Variants in CEP350 observed in about 807,000 individuals in gnomAD.
CEP350 encodes centrosomal protein 350, also known as centrosome-associated protein 350.
Under a neutral mutation model 331.8 loss-of-function variants are expected in CEP350, and 126 were observed. That is an observed-to-expected ratio of 0.38 (90% CI 0.33 to 0.44). The LOEUF (loss-of-function observed/expected upper bound fraction) is 0.44, where lower values mean the gene tolerates loss of function less well. CEP350 is among the 20% of genes least tolerant of loss of function. CEP350 has a pLI of 1.00. For synonymous variants in CEP350, 1,200 were observed against 1,259.5 expected, an observed-to-expected ratio of 0.95 and a Z score of 1.00; for missense variants, 3,406 against 3,634.6, an observed-to-expected ratio of 0.94 and a Z score of 1.62.
intron 32 of CEP350, among the ~76,000 whole-genome samples, 157 bp from the exon 33 acceptor site, chr1:180,090,557 A>AAAG (rs1553265975): frequency 1.7e-4 from 16 of 92,310 alleles, no homozygotes; most frequent in African/African-American, 4.6e-4. Flanking sequence ...AAAAAAAAAA[A>AAAG]AAAAAAAAAA....
At position 180,111,128 on chromosome 1, in the gene CEP350, C is replaced by T. The variant is rs1661450941; in HGVS notation, c.9321C>T (p.Ile3107=). ...ATACTATTGATGTTCTGAATCAGAT[C>T]AGTGAAAAGCAGGGGAGAATGCTAC... ...IKDTIDVLNQ[I]SEKQGRMLLV is the part of the protein sequence containing the mutation. Residue 3107 remains isoleucine (I), a synonymous_variant, in exon 38 of 38, where the codon ATC becomes ATT. Coordinates refer to ENST00000367607, the MANE Select transcript of CEP350 (RefSeq NM_014810.5). The T allele has an allele frequency of 6.2e-7, 1 of 1,613,944 alleles. No individual in the cohort carries two copies. The highest frequency in any genetic ancestry group is 8.5e-7 in the Non-Finnish European group (1 of 1,179,876).
At chr1:180,098,815 C>T (rs748651553) in intron 36 of CEP350, 48 bp from the exon 37 acceptor site, 2 of 1,562,214 alleles carry the variant, frequency 1.3e-6, no homozygotes, top group Non-Finnish European at 1.7e-6. Flanking sequence ...ACATGAAACT[C>T]AGGAATTTCT....
At position 180,095,865 on chromosome 1, in the gene CEP350, A is replaced by G. The variant is rs140137953; in HGVS notation, c.8854A>G (p.Lys2952Glu). The change falls in exon 35 of 38, where the codon AAA becomes GAA. Residue 2952 changes from lysine (K) to glutamate (E), a missense_variant. Transcript: ENST00000367607. ...TCTTCATAGCATCAGTATTCCTACAAAACTGCTTGGCTGTGCCAGTAAAGG... is the reference window on the plus strand; with the variant it reads ...TCTTCATAGCATCAGTATTCCTACAGAACTGCTTGGCTGTGCCAGTAAAGG... Reference protein sequence around the residue: ...HDLHSISIPTKLLGCASKGLD... With the variant: ...HDLHSISIPTELLGCASKGLD... 1.2e-6 allele frequency: 2 copies of G among 1,613,444 alleles called. No individual in the cohort carries two copies. Among genetic ancestry groups the G allele is most frequent in the Non-Finnish European group, 1.7e-6 (2 of 1,179,736 alleles).
At chr1:180,056,722 A>G (rs543151529) in intron 25 of CEP350, among the ~76,000 whole-genome samples, 17 of 152,018 alleles carry the variant, frequency 1.1e-4, no homozygotes, top group Admixed American at 2.0e-4. Flanking sequence ...TTGGCCTCCC[A>G]GAGTACTAGG....
chr1:180,024,861 G>T (rs1428686232), intron 14 of CEP350, among the ~76,000 whole-genome samples: 1 of 151,600 alleles, frequency 6.6e-6, no homozygotes, highest in Non-Finnish European at 1.5e-5. Flanking sequence ...TCTGTTCAGA[G>T]ATTAACTACT....
At chr1:180,099,091 G>T in intron 37 of CEP350, 106 bp downstream of exon 37, 1 of 1,161,400 alleles carries the variant, frequency 8.6e-7, no homozygotes, top group South Asian at 2.3e-5. Flanking sequence ...TAAATCTATG[G>T]TATTAAAATC....
intron 2 of CEP350, among the ~76,000 whole-genome samples, chr1:179,986,528 G>A (rs1416306907): frequency 6.6e-6 from 1 of 152,040 alleles, no homozygotes; most frequent in Non-Finnish European, 1.5e-5. Context: ...AAATGATATA[G>A]CCCCAATATA....
At chr1:180,028,441 TC>T (rs1655812036) in intron 14 of CEP350, among the ~76,000 whole-genome samples, 3 of 152,214 alleles carry the variant, frequency 2.0e-5, no homozygotes, top group Admixed American at 2.0e-4. Flanking sequence ...GATTCTGACT[TC>T]TGACTCCCAA....
chr1:180,071,146 CA>C (rs57487170), intron 27 of CEP350, among the ~76,000 whole-genome samples: 6,557 of 63,208 alleles, frequency 0.1, 248 homozygotes, highest in African/African-American at 0.22. Flanking sequence ...GACTCCATCT[CA>C]AAAAAAAAAA....
At chr1:180,074,973 C>T in intron 27 of CEP350, 49 bp from the exon 28 acceptor site, 1 of 1,504,162 alleles carries the variant, frequency 6.6e-7, no homozygotes, top group Non-Finnish European at 8.9e-7. Context: ...AAAGTGATCT[C>T]TGCATATAGG....
In CEP350 at chr1:180,090,414, C is replaced by T. The variant is rs570005209; in HGVS notation, c.6426-300C>T. On this transcript the variant is annotated intron_variant, in intron 32 of 37. Coordinates refer to ENST00000367607, the MANE Select transcript of CEP350 (RefSeq NM_014810.5). ...ACAAAAAATTAGCCGGGCGTGGTGG[C>T]GGGCGCCTGTAGTCCCAGCTACTCG... 4.0e-3 allele frequency among the ~76,000 whole-genome samples: 606 copies of T among 150,904 alleles called. 2 individuals are homozygous for T. Among genetic ancestry groups the T allele is most frequent in the Non-Finnish European group, 6.7e-3 (454 of 67,602 alleles).
Position 179,954,822 on chromosome 1 carries a change from G to A in CEP350, c.-334G>A. ...CCTCCTCCGTGTCAGTTGTTGGGCTGTAATGGCGACTGGGCCGCCCCTGAC... is the reference window on the plus strand; with the variant it reads ...CCTCCTCCGTGTCAGTTGTTGGGCTATAATGGCGACTGGGCCGCCCCTGAC... On this transcript the variant is annotated 5_prime_UTR_variant, in exon 1 of 38. Coordinates refer to ENST00000367607, the MANE Select transcript of CEP350 (RefSeq NM_014810.5). 1 of 425,780 alleles carries A rather than the reference G, an allele frequency of 2.3e-6. No homozygotes were observed. The highest frequency in any genetic ancestry group is 4.1e-6 in the Non-Finnish European group (1 of 241,388). 26.4% of individuals were successfully genotyped at this position (425,780 alleles called of 1,614,324 possible).
chr1:180,037,002 G>A lies in CEP350; in HGVS notation c.4023G>A (p.Glu1341=), dbSNP rs771830462. 1 of 1,600,972 alleles carries A rather than the reference G, an allele frequency of 6.2e-7. No individual in the cohort carries two copies. Among genetic ancestry groups the A allele is most frequent in the East Asian group, 2.2e-5 (1 of 44,638 alleles). The change falls in exon 17 of 38, where the codon GAG becomes GAA. Residue 1341 remains glutamate (E), a synonymous_variant. Transcript: ENST00000367607. The stretch of plus-strand genomic sequence containing the variant: ...TCAGTTATCTGAACGCCATTGAGGA[G>A]TCGGTGCGCCAACTGTCAGATGTAG... ...AELSYLNAIE[E]SVRQLSDVER... is the part of the protein sequence containing the mutation.
At chr1:180,067,240 A>G (rs1571949368) in intron 27 of CEP350, among the ~76,000 whole-genome samples, 1 of 152,190 alleles carries the variant, frequency 6.6e-6, no homozygotes, top group South Asian at 2.1e-4. Context: ...TTCCTTGACA[A>G]CTATGGCAAT....
intron 21 of CEP350, 27 bp downstream of exon 21, chr1:180,044,200 G>A (rs1656964980): frequency 3.3e-6 from 5 of 1,531,506 alleles, no homozygotes; most frequent in Non-Finnish European, 4.4e-6. Context: ...TTCTTTGTCA[G>A]TACAGTTTAG....
chr1:180,028,773 C>T (rs112797549), intron 14 of CEP350, among the ~76,000 whole-genome samples: 121 of 151,936 alleles, frequency 8.0e-4, no homozygotes, highest in African/African-American at 2.6e-3. Flanking sequence ...TACTGCACTC[C>T]AGCCTGGGCA....
rs909609753 is a variant in CEP350, at chr1:180,111,403, A to T, written c.*242A>T. On this transcript the variant is annotated 3_prime_UTR_variant, in exon 38 of 38. Transcript: ENST00000367607. The stretch of plus-strand genomic sequence containing the variant: ...GGGCAGGGTTGCACAGTGTAATCCT[A>T]CACCTTTTGCTAACACCCCTACTAG... 1.4e-5 allele frequency: 5 copies of T among 357,902 alleles called. No homozygotes were observed. The highest frequency in any genetic ancestry group is 1.0e-4 in the African/African-American group (5 of 47,854). 22.2% of individuals were successfully genotyped at this position (357,902 alleles called of 1,614,324 possible). A position where few individuals can be genotyped will look rare whatever the true frequency, so the allele number is the denominator to read the frequency against.
At chr1:179,993,565 G>C (rs577410490) in intron 5 of CEP350, among the ~76,000 whole-genome samples, 1 of 151,990 alleles carries the variant, frequency 6.6e-6, no homozygotes, top group Non-Finnish European at 1.5e-5. Context: ...GCTTACAGGC[G>C]CTAGCTACCA....
Position 180,065,337 on chromosome 1 carries a change from G to T in CEP350, c.5567+65G>T. ...GAAAGTAGTACAACAAATAACATTT[G>T]TAATAATACTTCACTAGATTAGATT... On this transcript the variant is annotated intron_variant, in intron 27 of 37. Coordinates refer to ENST00000367607, the MANE Select transcript of CEP350 (RefSeq NM_014810.5). 2.1e-6 allele frequency: 3 copies of T among 1,433,230 alleles called. No individual in the cohort carries two copies. The South Asian group carries it at 4.2e-5, about 20-fold the overall frequency. 88.8% of individuals were successfully genotyped at this position (1,433,230 alleles called of 1,614,324 possible).
Sources: gnomAD v4.1 joint callset for allele counts (sites outside exome capture counted in the v4.1 genomes callset) on GRCh38, gnomAD v4.1.1 for gene constraint, MANE v1.5 for transcripts, NCBI Gene and HGNC (gene_info 2026-07-23, HGNC 2026-07-21) for gene names.